The following OS9 variants were observed in gnomAD, a reference collection of about 807,000 sequenced individuals.
OS9 encodes protein OS-9.
In OS9, 58 loss-of-function variants were observed where a neutral mutation model predicts 84.7. The observed-to-expected ratio is 0.68, with a 90% CI of 0.55 to 0.85. OS9 has a LOEUF of 0.85. Ranked by LOEUF, OS9 falls within the 40% of genes least tolerant of loss-of-function variation. The probability of loss-of-function intolerance (pLI) is 0.00; values close to 1 mark genes in which losing one functional copy is unlikely to be tolerated. For missense variants in OS9, 760 were observed against 850.9 expected (o/e 0.89, Z 1.33); for synonymous variants, 278 against 320.8 (o/e 0.87, Z 1.43).
intron 5 of OS9, among the ~76,000 whole-genome samples, chr12:57,700,936 T>A (rs1311321241): frequency 1.3e-5 from 2 of 152,050 alleles, no homozygotes; most frequent in Non-Finnish European, 1.5e-5. Context: ...CAAAAAAAAA[T>A]GTCATAGAGA....
chr12:57,695,891 A>G (rs1316291496), intron 3 of OS9, 48 bp downstream of exon 3: 1 of 1,570,224 alleles, frequency 6.4e-7, no homozygotes, highest in African/African-American at 1.4e-5. Flanking sequence ...CATATCATGG[A>G]AGTTCCCCAG....
chr12:57,707,808 G>C (rs1033364216), intron 5 of OS9, among the ~76,000 whole-genome samples: 1 of 151,354 alleles, frequency 6.6e-6, no homozygotes, highest in African/African-American at 2.4e-5. Context: ...AAAAAATTCT[G>C]GCCAGGCATG....
intron 5 of OS9, among the ~76,000 whole-genome samples, chr12:57,697,934 C>A (rs56140015): frequency 0.26 from 26,181 of 99,134 alleles, 3,422 homozygotes; most frequent in Middle Eastern, 0.39. Flanking sequence ...TACACACACA[C>A]ACACACACAC....
intron 5 of OS9, among the ~76,000 whole-genome samples, chr12:57,700,245 G>T (rs954612676): frequency 6.6e-6 from 1 of 152,150 alleles, no homozygotes; most frequent in African/African-American, 2.4e-5. Flanking sequence ...GTTTTAAGAT[G>T]GAACAGACTA....
At chr12:57,710,805 C>G (rs1287768671) in intron 5 of OS9, among the ~76,000 whole-genome samples, 2 of 151,896 alleles carry the variant, frequency 1.3e-5, no homozygotes, top group Non-Finnish European at 2.9e-5. Flanking sequence ...TTTGGGAGGC[C>G]GAGGCAGGCG....
In OS9 at chr12:57,696,264, G is replaced by A; in HGVS notation, c.481-11G>A. ...CTCATGTCCCCCATTCCTGCCTCAT[G>A]TCTTCTCCAGGCCTCCAAGCAGCAT... On this transcript the variant is annotated splice_polypyrimidine_tract_variant and intron_variant, in intron 4 of 14. Transcript: ENST00000315970. The A allele has an allele frequency of 6.3e-7, 1 of 1,599,730 alleles. No individual in the cohort carries two copies. The highest frequency in any genetic ancestry group is 8.5e-7 in the Non-Finnish European group (1 of 1,169,882).
chr12:57,710,766 A>G (rs1954301484), intron 5 of OS9, among the ~76,000 whole-genome samples: 1 of 152,158 alleles, frequency 6.6e-6, no homozygotes, highest in Non-Finnish European at 1.5e-5. Context: ...CCACCTGGTC[A>G]TGGTGGCTCA....
rs762274248 is a variant in OS9, at chr12:57,715,944, A to G, written c.764A>G (p.Tyr255Cys). The G allele has an allele frequency of 6.2e-7, 1 of 1,612,940 alleles. No individual in the cohort carries two copies. The highest frequency in any genetic ancestry group is 1.1e-5 in the South Asian group (1 of 90,834). ...LCHPSLQPEE[Y>C]MAYVQRQADS... ...CACCCTTCCCTACAGCCTGAGGAGT[A>G]CATGGCCTACGTTCAGAGGCAAGCC... Residue 255 changes from tyrosine to cysteine, a missense_variant, in exon 6 of 15, where the codon TAC (tyrosine) becomes TGC (cysteine). By Grantham distance (194) the Tyr-to-Cys change is radical. Transcript: ENST00000315970.
chr12:57,702,113 T>G (rs1954044585), intron 5 of OS9, among the ~76,000 whole-genome samples: 2 of 152,170 alleles, frequency 1.3e-5, no homozygotes, highest in South Asian at 4.2e-4. Flanking sequence ...TTTTAATGAT[T>G]GAAAAAATAT....
chr12:57,702,543 G>GT, intron 5 of OS9, among the ~76,000 whole-genome samples: 1 of 152,338 alleles, frequency 6.6e-6, no homozygotes, highest in Non-Finnish European at 1.5e-5. Context: ...GAACATTGGT[G>GT]TACAAGTATC....
chr12:57,716,256 A>G, intron 7 of OS9, 63 bp downstream of exon 7: 1 of 670,212 alleles, frequency 1.5e-6, no homozygotes, highest in South Asian at 1.5e-5. Flanking sequence ...CCCTGATCTT[A>G]CTGTCCTGAC....
intron 5 of OS9, among the ~76,000 whole-genome samples, chr12:57,713,250 G>T (rs1057217195): frequency 2.0e-5 from 3 of 152,144 alleles, no homozygotes; most frequent in African/African-American, 7.2e-5. Flanking sequence ...TATTAAGTCA[G>T]GTCCTTTGGA....
intron 5 of OS9, among the ~76,000 whole-genome samples, chr12:57,697,639 G>C (rs1953885694): frequency 6.6e-6 from 1 of 152,154 alleles, no homozygotes; most frequent in Admixed American, 6.5e-5. Context: ...ATGTCCAGTT[G>C]ACAGTTGGCT....
Position 57,704,238 on chromosome 12 carries a change from G to A in OS9, c.579+7865G>A, listed in dbSNP as rs1268211901. Among the ~76,000 whole-genome samples the A allele has an allele frequency of 2.0e-5, 3 of 152,246 alleles. 1 individual carries two copies. The highest frequency in any genetic ancestry group is 6.8e-3 in the Middle Eastern group (2 of 294). ...TAGTTGAGGAATTTTGCATCTATATGTATAAAAGATATTAGTCGCCGGGAG... is the reference window on the plus strand; with the variant it reads ...TAGTTGAGGAATTTTGCATCTATATATATAAAAGATATTAGTCGCCGGGAG... On this transcript the variant is annotated intron_variant, in intron 5 of 14. Coordinates refer to ENST00000315970, the MANE Select transcript of OS9 (RefSeq NM_006812.4).
chr12:57,719,738 TGTCTTTAAA>T, intron 12 of OS9: 1 of 229,686 alleles, frequency 4.4e-6, no homozygotes, highest in South Asian at 7.8e-5. Context: ...AACATTGAAA[TGTCTTTAAA>T]GTCCCAACAT....
intron 5 of OS9, among the ~76,000 whole-genome samples, chr12:57,714,752 C>T (rs1439819483): frequency 2.0e-5 from 3 of 152,116 alleles, no homozygotes; most frequent in South Asian, 4.1e-4. Context: ...CACACCACCA[C>T]ACCTCGCTAA....
chr12:57,718,541 T>G (rs559369008), intron 11 of OS9, 120 bp downstream of exon 11: 2 of 1,039,816 alleles, frequency 1.9e-6, no homozygotes, highest in African/African-American at 3.2e-5. Flanking sequence ...CACTTGGAAG[T>G]GGTAGCTGTT....
rs981009069 is a variant in OS9 at position 57,705,510 on chromosome 12, G to A, written c.579+9137G>A. 1.5e-4 allele frequency among the ~76,000 whole-genome samples: 23 copies of A among 151,942 alleles called. 1 individual carries two copies. The highest frequency in any genetic ancestry group is 3.2e-4 in the Non-Finnish European group (22 of 67,996). On this transcript the variant is annotated intron_variant, in intron 5 of 14. Coordinates refer to ENST00000315970, the MANE Select transcript of OS9 (RefSeq NM_006812.4). Reference sequence around the variant, plus strand: ...ATAGTTTTAGATGCTATTTTAAGTAGCATCTTTTACAAATTTCATTTTCTT... The same window carrying A: ...ATAGTTTTAGATGCTATTTTAAGTAACATCTTTTACAAATTTCATTTTCTT...
At chr12:57,719,613 A>G (rs753804801) in intron 12 of OS9, 1 of 192,748 alleles carries the variant, frequency 5.2e-6, no homozygotes, top group Non-Finnish European at 1.1e-5. Context: ...ACTTTAAATT[A>G]TTTCTTCTTC....
Sources: allele counts gnomAD v4.1 joint callset (sites outside exome capture counted in the v4.1 genomes callset), GRCh38; gene constraint gnomAD v4.1.1; transcripts MANE v1.5; gene names NCBI Gene and HGNC (gene_info 2026-07-23, HGNC 2026-07-21).